Variants in CYP2R1 observed in about 807,000 individuals in gnomAD.
CYP2R1 encodes cytochrome P450 family 2 subfamily R member 1.
CYP2R1 carries 40 observed loss-of-function variants against 45.7 expected under a neutral mutation model. The ratio of observed to expected loss-of-function variants is 0.87; its 90% CI spans 0.68 to 1.14. The LOEUF is 1.14. CYP2R1 is among the 50% of genes most tolerant of loss of function. The probability of loss-of-function intolerance (pLI) is 0.00; values close to 1 mark genes in which losing one functional copy is unlikely to be tolerated. For missense variants in CYP2R1, 605 were observed against 602.6 expected (o/e 1.00, Z -0.04); for synonymous variants, 234 against 219.3 (o/e 1.07, Z -0.59).
chr11:14,882,314 A>G (rs1848420409), intron 2 of CYP2R1, among the ~76,000 whole-genome samples: 1 of 152,132 alleles, frequency 6.6e-6, no homozygotes, highest in Non-Finnish European at 1.5e-5. Context: ...GTAGTCAGCA[A>G]AATGCTCACT....
Position 14,880,338 on chromosome 11 carries a change from G to A in CYP2R1, c.798C>T (p.Val266=), listed in dbSNP as rs1475276153. Reference sequence around the variant, plus strand: ...GCTGAGGTAGCTGAGGCTTTCTGTTGACTGAAGCTTTTTCAATGAGTCTGG... The same window carrying A: ...GCTGAGGTAGCTGAGGCTTTCTGTTAACTGAAGCTTTTTCAATGAGTCTGG... ...FLSRLIEKAS[V]NRKPQLPQHF... The change falls in exon 3 of 5, where the codon GTC becomes GTT. Residue 266 remains valine, a synonymous_variant. Transcript: ENST00000334636. The A allele has an allele frequency of 1.5e-5, 24 of 1,613,136 alleles. No individual in the cohort carries two copies. Among genetic ancestry groups the A allele is most frequent in the African/African-American group, 4.0e-5 (3 of 74,862 alleles).
At chr11:14,885,352 T>TA (rs1224037808) in intron 2 of CYP2R1, among the ~76,000 whole-genome samples, 2 of 152,164 alleles carry the variant, frequency 1.3e-5, no homozygotes, top group Non-Finnish European at 2.9e-5. Context: ...ACTCTATACT[T>TA]ACTAATCACA....
chr11:14,891,590 C>T (rs1187241917), intron 1 of CYP2R1: 13 of 1,049,054 alleles, frequency 1.2e-5, no homozygotes, highest in Non-Finnish European at 1.5e-5. Context: ...CGTGCAGCTT[C>T]CACAGAGCTG....
chr11:14,881,930 A>G (rs1439743874), intron 2 of CYP2R1, among the ~76,000 whole-genome samples: 1 of 152,112 alleles, frequency 6.6e-6, no homozygotes, highest in African/African-American at 2.4e-5. Flanking sequence ...CACAACCCAC[A>G]ATGAAAAATG....
intron 1 of CYP2R1, among the ~76,000 whole-genome samples, chr11:14,889,177 T>C (rs1433038355): frequency 3.3e-5 from 5 of 151,950 alleles, no homozygotes; most frequent in African/African-American, 1.2e-4. Flanking sequence ...TTTTTTTTTT[T>C]TTCTGTGAGC....
intron 3 of CYP2R1, among the ~76,000 whole-genome samples, 167 bp downstream of exon 3, chr11:14,879,969 G>T (rs1848311893): frequency 1.3e-5 from 2 of 151,928 alleles, no homozygotes; most frequent in Non-Finnish European, 2.9e-5. Context: ...TACATGAATT[G>T]AGATAATAGA....
rs1445734847 is a variant in CYP2R1, at chr11:14,892,229, T to A, written c.-24A>T. On this transcript the variant is annotated 5_prime_UTR_variant, in exon 1 of 5. Transcript: ENST00000334636. ...ATCGGCCCGAGCTGGAGGTGCGAAC[T>A]CCACAGCAGCCCTGAGACCCAGGCA... 2 of 1,602,102 alleles carry A rather than the reference T, an allele frequency of 1.2e-6. No homozygotes were observed. Among genetic ancestry groups the A allele is most frequent in the Admixed American group, 3.4e-5 (2 of 59,262 alleles).
intron 1 of CYP2R1, chr11:14,891,363 C>G (rs1848848245): frequency 4.1e-6 from 4 of 985,496 alleles, no homozygotes; most frequent in Non-Finnish European, 4.8e-6. Flanking sequence ...AACGGCATTA[C>G]CATCTGCGCT....
intron 1 of CYP2R1, chr11:14,890,292 A>T: frequency 9.7e-6 from 2 of 206,840 alleles, no homozygotes; most frequent in Non-Finnish European, 1.7e-5. Context: ...TTATGCTTTC[A>T]CATTTTATTT....
chr11:14,887,426 T>C (rs1402962026), intron 1 of CYP2R1: 1 of 200,254 alleles, frequency 5.0e-6, no homozygotes, highest in Admixed American at 6.5e-5. Context: ...CTAGTATGTA[T>C]TCCTGTATAC....
rs1555014284 is a variant in CYP2R1 at position 14,885,831 on chromosome 11, T to C, written c.312A>G (p.Glu104=). Residue 104 remains glutamate (E), a synonymous_variant, in exon 2 of 5, where the codon GAA becomes GAG. Transcript: ENST00000334636. ...VVKECLVHQS[E]IFADRPCLPL... is the part of the protein sequence containing the mutation. ...GAAGGCATGGTCTGTCTGCAAAAAT[T>C]TCGCTTTGATGAACAAGGCATTCCT... 6.2e-7 allele frequency: 1 copy of C among 1,613,600 alleles called. No homozygotes were observed. The highest frequency in any genetic ancestry group is 8.5e-7 in the Non-Finnish European group (1 of 1,179,810).
At chr11:14,880,837 AT>A (rs1160256718) in intron 2 of CYP2R1, 69 bp from the exon 3 acceptor site, 12 of 1,443,356 alleles carry the variant, frequency 8.3e-6, no homozygotes, top group Admixed American at 7.0e-5. Context: ...AGGGAACAAA[AT>A]TTTTTTAATG....
intron 2 of CYP2R1, among the ~76,000 whole-genome samples, chr11:14,882,901 A>T (rs1304454317): frequency 6.6e-6 from 1 of 152,224 alleles, no homozygotes; most frequent in Non-Finnish European, 1.5e-5. Flanking sequence ...AGACAAACAC[A>T]GAGCCAAATC....
In CYP2R1 at chr11:14,879,370, C is replaced by A. The variant is rs1555011011; in HGVS notation, c.1074G>T (p.Met358Ile). The change falls in exon 4 of 5, where the codon ATG becomes ATT. Residue 358 changes from methionine to isoleucine, a missense_variant. Met to Ile is a conservative substitution (Grantham distance 10). Transcript: ENST00000334636. Reference protein sequence around the residue: ...GKPSWDDKCKMPYTEAVLHEV... With the variant: ...GKPSWDDKCKIPYTEAVLHEV... ...CATGCAAAACTGCCTCAGTATAAGG[C>A]ATTTTGCATTTGTCGTCCCAAGAAG... The A allele has an allele frequency of 1.2e-6, 2 of 1,611,094 alleles. No individual in the cohort carries two copies. The highest frequency in any genetic ancestry group is 1.7e-6 in the Non-Finnish European group (2 of 1,179,454).
At chr11:14,885,987 C>T in intron 1 of CYP2R1, 70 bp from the exon 2 acceptor site, 1 of 1,492,100 alleles carries the variant, frequency 6.7e-7, no homozygotes, top group Non-Finnish European at 9.3e-7. Context: ...TGGAAATCTA[C>T]AAGTGGTAAG....
rs1268721907 is a variant in CYP2R1 at position 14,885,712 on chromosome 11, TTAAAA to T, written c.367+59_367+63del. 34 of 1,555,910 alleles carry T rather than the reference TTAAAA, an allele frequency of 2.2e-5. 1 individual carries two copies. Among genetic ancestry groups the T allele is most frequent in the Middle Eastern group, 4.6e-4 (2 of 4,348 alleles). On this transcript the variant is annotated intron_variant, in intron 2 of 4. Transcript: ENST00000334636. ...TAATCCCAACTGTATGCACTAAAAC[TTAAAA>T]TAAGGAATGTGATTTAAAATATCTT...
chr11:14,879,422 T>C lies in CYP2R1; in HGVS notation c.1022A>G (p.Asp341Gly), dbSNP rs915510177. 1 of 1,603,412 alleles carries C rather than the reference T, an allele frequency of 6.2e-7. No homozygotes were observed. The highest frequency in any genetic ancestry group is 8.5e-7 in the Non-Finnish European group (1 of 1,179,154). Residue 341 changes from aspartate to glycine, a missense_variant, in exon 4 of 5, where the codon GAT (aspartate) becomes GGT (glycine). Coordinates refer to ENST00000334636, the MANE Select transcript of CYP2R1 (RefSeq NM_024514.5). ...CTTCCCATTAGGGCCCATAATTAAA[T>C]CAATCTCTTTCTGAACTTGTCCTGT... ...NIQGQVQKEI[D>G]LIMGPNGKPS...
At position 14,892,085 on chromosome 11, in the gene CYP2R1, G is replaced by A. The variant is rs147467617; in HGVS notation, c.121C>T (p.Pro41Ser). The A allele has an allele frequency of 7.4e-6, 12 of 1,611,932 alleles. No homozygotes were observed. The highest frequency in any genetic ancestry group is 3.3e-5 in the Admixed American group (2 of 60,016). Residue 41 changes from proline to serine, a missense_variant, in exon 1 of 5, where the codon CCG becomes TCG. By Grantham distance (74) the Pro-to-Ser change is moderately conservative. Transcript: ENST00000334636. ...LKQRRPMGFP[P>S]GPPGLPFIGN... ...ATAAATGGCAGCCCCGGCGGCCCCG[G>A]GGGGAAGCCCATCGGCCGCCTCTGC...
At chr11:14,882,834 T>G (rs539770169) in intron 2 of CYP2R1, among the ~76,000 whole-genome samples, 119 of 152,152 alleles carry the variant, frequency 7.8e-4, no homozygotes, top group Non-Finnish European at 1.1e-3. Flanking sequence ...CTTCAGCAAA[T>G]TCTCAGGATA....
Sources: gnomAD v4.1 joint callset for allele counts (sites outside exome capture counted in the v4.1 genomes callset) on GRCh38, gnomAD v4.1.1 for gene constraint, MANE v1.5 for transcripts, NCBI Gene and HGNC (gene_info 2026-07-23, HGNC 2026-07-21) for gene names.